Variants in AMTN observed in about 807,000 individuals in gnomAD.
The protein encoded by AMTN is RSTI689.
Under a neutral mutation model 27.4 loss-of-function variants are expected in AMTN, and 29 were observed. The observed-to-expected ratio is 1.06, with a 90% CI of 0.79 to 1.44. AMTN has a LOEUF of 1.44. AMTN is among the 40% of genes most tolerant of loss of function. The pLI is 0.00. For missense variants in AMTN, 247 were observed against 248.8 expected, an observed-to-expected ratio of 0.99 and a Z score of 0.05; for synonymous variants, 86 against 95.7, an observed-to-expected ratio of 0.90 and a Z score of 0.59.
Position 70,524,937 on chromosome 4 carries a change from T to A in AMTN, c.270T>A (p.Asn90Lys). 1.9e-6 allele frequency: 3 copies of A among 1,614,056 alleles called. No individual in the cohort carries two copies. The highest frequency in any genetic ancestry group is 2.5e-6 in the Non-Finnish European group (3 of 1,179,932). The change falls in exon 5 of 9, where the codon AAT becomes AAA. Residue 90 changes from asparagine to lysine, a missense_variant. Physicochemically the swap from Asn to Lys is moderately conservative, Grantham distance 94 (BLOSUM62 0). Coordinates refer to ENST00000339336, the MANE Select transcript of AMTN (RefSeq NM_212557.4). Reference protein sequence around the residue: ...QTHPLTLGGLNVQQQLHPHVL... With the variant: ...QTHPLTLGGLKVQQQLHPHVL... ...ACCCATTGACCCTGGGAGGGTTGAATGTACAACAGCAACTGCACCCACATG... is the reference window on the plus strand; with the variant it reads ...ACCCATTGACCCTGGGAGGGTTGAAAGTACAACAGCAACTGCACCCACATG...
At chr4:70,532,263 C>T (rs1054957320) in intron 8 of AMTN, among the ~76,000 whole-genome samples, 192 bp from the exon 9 acceptor site, 7 of 152,192 alleles carry the variant, frequency 4.6e-5, no homozygotes, top group African/African-American at 1.7e-4. Context: ...CAAAAATAAG[C>T]TTTTCTTGCA....
At chr4:70,523,667 A>T (rs927646632) in intron 3 of AMTN, among the ~76,000 whole-genome samples, 16 of 152,220 alleles carry the variant, frequency 1.1e-4, no homozygotes, top group Non-Finnish European at 2.2e-4. Context: ...TAAGTACCGT[A>T]AGCTTGAGAC....
intron 7 of AMTN, among the ~76,000 whole-genome samples, chr4:70,530,381 G>T (rs145941814): frequency 8.3e-4 from 127 of 152,180 alleles, no homozygotes; most frequent in African/African-American, 2.9e-3. Flanking sequence ...GTTTGAAAAC[G>T]TCTGTACTCT....
At position 70,518,670 on chromosome 4, in the gene AMTN, C is replaced by T. The variant is rs1735872684; in HGVS notation, c.-16+16C>T. Reference sequence around the variant, plus strand: ...GGACCCAAAGGTAACATTAATTGACCATGTTTCAAGTAGAACTTTTGTTTT... The same window carrying T: ...GGACCCAAAGGTAACATTAATTGACTATGTTTCAAGTAGAACTTTTGTTTT... On this transcript the variant is annotated intron_variant, in intron 1 of 8. Coordinates refer to ENST00000339336, the MANE Select transcript of AMTN (RefSeq NM_212557.4). The T allele has an allele frequency of 1.0e-5, 9 of 872,148 alleles. No homozygotes were observed. The Admixed American group carries it at 1.2e-4, about 11-fold the overall frequency. 54.0% of individuals were successfully genotyped at this position (872,148 alleles called of 1,614,324 possible).
At chr4:70,526,038 T>A (rs1736093754) in intron 5 of AMTN, among the ~76,000 whole-genome samples, 1 of 152,212 alleles carries the variant, frequency 6.6e-6, no homozygotes, top group Non-Finnish European at 1.5e-5. Context: ...TGGTCTAATT[T>A]TTTGTAGAAG....
intron 2 of AMTN, among the ~76,000 whole-genome samples, chr4:70,521,764 C>T (rs748972220): frequency 1.4e-5 from 2 of 147,426 alleles, no homozygotes; most frequent in Non-Finnish European, 1.5e-5. Context: ...GGACTATAAG[C>T]GTGCACCACC....
intron 2 of AMTN, among the ~76,000 whole-genome samples, chr4:70,520,194 G>A (rs755102500): frequency 6.6e-6 from 1 of 152,166 alleles, no homozygotes; most frequent in Admixed American, 6.5e-5. Flanking sequence ...GGCTGTGCAG[G>A]CCACAGCAGA....
intron 7 of AMTN, among the ~76,000 whole-genome samples, chr4:70,530,221 GCACA>G (rs3223259): frequency 0.33 from 49,403 of 150,094 alleles, 10,316 homozygotes; most frequent in African/African-American, 0.6. Context: ...ATGCAGCTTA[GCACA>G]CACACACACA....
intron 8 of AMTN, among the ~76,000 whole-genome samples, chr4:70,531,647 G>A (rs572515141): frequency 9.1e-4 from 138 of 152,184 alleles, no homozygotes; most frequent in African/African-American, 3.0e-3. Flanking sequence ...CAGTAGCTAG[G>A]ATTACAGGCG....
intron 5 of AMTN, among the ~76,000 whole-genome samples, chr4:70,526,790 G>A (rs371920308): frequency 9.2e-5 from 14 of 152,218 alleles, no homozygotes; most frequent in East Asian, 5.8e-4. Context: ...AGAGTTTCAC[G>A]TTGTACACTC....
chr4:70,527,575 T>C (rs776565899), intron 5 of AMTN, among the ~76,000 whole-genome samples: 1 of 152,192 alleles, frequency 6.6e-6, no homozygotes, highest in Non-Finnish European at 1.5e-5. Flanking sequence ...TTTTTCCTTG[T>C]TGGCATTCCA....
chr4:70,519,920 G>C (rs1560571530), intron 2 of AMTN, among the ~76,000 whole-genome samples: 1 of 149,022 alleles, frequency 6.7e-6, no homozygotes, highest in Non-Finnish European at 1.5e-5. Context: ...ATACGTGTGT[G>C]TGTGTGTGTG....
intron 4 of AMTN, 70 bp downstream of exon 4, chr4:70,524,003 G>A (rs1409157430): frequency 6.0e-6 from 8 of 1,325,814 alleles, no homozygotes; most frequent in Admixed American, 1.7e-5. Flanking sequence ...TACAGTGGGG[G>A]GAGCATGTAT....
chr4:70,525,923 A>G (rs953642519), intron 5 of AMTN, among the ~76,000 whole-genome samples: 5 of 152,040 alleles, frequency 3.3e-5, no homozygotes. Context: ...AGGAAAAGAA[A>G]GTCTCTGGAG....
intron 4 of AMTN, among the ~76,000 whole-genome samples, chr4:70,524,459 CA>C (rs1379245091): frequency 3.9e-5 from 6 of 152,212 alleles, no homozygotes; most frequent in African/African-American, 1.2e-4. Context: ...GCTCATGTTC[CA>C]GACAAAATAT....
At chr4:70,532,397 A>G in intron 8 of AMTN, 58 bp from the exon 9 acceptor site, 1 of 1,387,316 alleles carries the variant, frequency 7.2e-7, no homozygotes. Context: ...CAAGTAAAAG[A>G]TATTTATGTT....
chr4:70,519,845 G>C (rs993807359), intron 2 of AMTN, among the ~76,000 whole-genome samples: 1 of 151,852 alleles, frequency 6.6e-6, no homozygotes, highest in African/African-American at 2.4e-5. Context: ...GGGATTATGC[G>C]GGGGGAGGAT....
chr4:70,528,608 C>A (rs1560574261), intron 5 of AMTN, 115 bp from the exon 6 acceptor site: 4 of 796,926 alleles, frequency 5.0e-6, no homozygotes, highest in South Asian at 4.7e-5. Flanking sequence ...CAAGACCATG[C>A]CACTGCACTC....
chr4:70,523,844 T>C (rs775680477), intron 3 of AMTN, 24 bp from the exon 4 acceptor site: 31 of 1,606,588 alleles, frequency 1.9e-5, no homozygotes, highest in Non-Finnish European at 2.5e-5. Flanking sequence ...TCTTGTCTCA[T>C]ACATCACTTT....
Sources: gnomAD v4.1 joint callset for allele counts (sites outside exome capture counted in the v4.1 genomes callset) on GRCh38, gnomAD v4.1.1 for gene constraint, MANE v1.5 for transcripts, NCBI Gene and HGNC (gene_info 2026-07-23, HGNC 2026-07-21) for gene names.